The following IGF1R variants were observed in gnomAD, a reference collection of about 807,000 sequenced individuals.
IGF1R encodes the protein insulin-like growth factor 1 receptor.
IGF1R carries 44 observed loss-of-function variants against 144.6 expected under a neutral mutation model. That is an observed-to-expected ratio of 0.30 (90% confidence interval 0.24 to 0.39). IGF1R has a LOEUF of 0.39. IGF1R is among the 10% of genes least tolerant of loss of function. The pLI, the probability that IGF1R is intolerant of heterozygous loss-of-function variation, is 1.00. For synonymous variants in IGF1R, 795 were observed against 722.8 expected, an observed-to-expected ratio of 1.10 and a Z score of -1.60; for missense variants, 1,355 against 1,833.7, an observed-to-expected ratio of 0.74 and a Z score of 4.77.
At chr15:98,808,433 T>C (rs888755888) in intron 2 of IGF1R, among the ~76,000 whole-genome samples, 8 of 152,230 alleles carry the variant, frequency 5.3e-5, no homozygotes, top group Admixed American at 5.2e-4. Context: ...TGAACTGTGA[T>C]ATAAGAATGA....
At chr15:98,924,142 G>C in intron 12 of IGF1R, 130 bp downstream of exon 12, 2 of 960,284 alleles carry the variant, frequency 2.1e-6, no homozygotes, top group Non-Finnish European at 3.3e-6. Flanking sequence ...AAGTTGGTGA[G>C]GATTTGGGTC....
chr15:98,709,850 T>A (rs1248603541), intron 2 of IGF1R, among the ~76,000 whole-genome samples: 1 of 152,126 alleles, frequency 6.6e-6, no homozygotes, highest in Non-Finnish European at 1.5e-5. Flanking sequence ...CGTCATTAAG[T>A]GGAGAGTTGT....
At chr15:98,656,713 A>G (rs1225472263) in intron 1 of IGF1R, among the ~76,000 whole-genome samples, 2 of 152,132 alleles carry the variant, frequency 1.3e-5, no homozygotes, top group East Asian at 3.9e-4. Context: ...CTCACTCCTC[A>G]GTCTTAGCCC....
At chr15:98,847,663 C>G (rs2011385231) in intron 2 of IGF1R, among the ~76,000 whole-genome samples, 1 of 152,202 alleles carries the variant, frequency 6.6e-6, no homozygotes, top group African/African-American at 2.4e-5. Flanking sequence ...TTTTAGTTGG[C>G]TTGTGTGATG....
At chr15:98,819,791 A>G (rs535451460) in intron 2 of IGF1R, among the ~76,000 whole-genome samples, 13 of 152,336 alleles carry the variant, frequency 8.5e-5, no homozygotes, top group African/African-American at 2.9e-4. Context: ...TATGTTGGAT[A>G]AAAACTATAT....
chr15:98,665,280 G>A (rs570141355), intron 1 of IGF1R, among the ~76,000 whole-genome samples: 484 of 152,260 alleles, frequency 3.2e-3, no homozygotes, highest in Non-Finnish European at 4.5e-3. Flanking sequence ...TGTAAAGAGA[G>A]TTTGACAAGC....
At position 98,700,099 on chromosome 15, in the gene IGF1R, A is replaced by G. The variant is rs1017885812; in HGVS notation, c.95-7463A>G. Among the ~76,000 whole-genome samples the G allele has an allele frequency of 3.3e-5, 5 of 152,226 alleles. No homozygotes were observed. The South Asian group carries it at 8.3e-4, about 25-fold the overall frequency. On this transcript the variant is annotated intron_variant, in intron 1 of 20. Transcript: ENST00000650285. ...AACTGAAGTGTCAGTAGTGTTTGTT[A>G]TCATAACATTGTCTTTTTCCCTCTT...
intron 2 of IGF1R, among the ~76,000 whole-genome samples, chr15:98,806,948 G>A (rs907209417): frequency 6.6e-6 from 1 of 152,108 alleles, no homozygotes; most frequent in African/African-American, 2.4e-5. Context: ...ATCACTTGAG[G>A]TCAGGAGTTC....
intron 2 of IGF1R, among the ~76,000 whole-genome samples, chr15:98,783,299 A>G (rs2055901123): frequency 6.6e-6 from 1 of 152,094 alleles, no homozygotes; most frequent in South Asian, 2.1e-4. Flanking sequence ...AGGTACACCT[A>G]CTTCCCTTCT....
intron 2 of IGF1R, among the ~76,000 whole-genome samples, chr15:98,750,000 C>A (rs955370590): frequency 1.3e-5 from 2 of 151,878 alleles, no homozygotes; most frequent in Non-Finnish European, 2.9e-5. Flanking sequence ...AAGGACCATC[C>A]TTTCTTCTTC....
At chr15:98,937,390 T>C (rs1194782750) in intron 17 of IGF1R, among the ~76,000 whole-genome samples, 2 of 152,176 alleles carry the variant, frequency 1.3e-5, no homozygotes, top group Non-Finnish European at 2.9e-5. Context: ...GCTGGCTGCC[T>C]GTGGTCCTCA....
At chr15:98,869,200 C>T (rs2012634191) in intron 2 of IGF1R, among the ~76,000 whole-genome samples, 1 of 152,080 alleles carries the variant, frequency 6.6e-6, no homozygotes, top group African/African-American at 2.4e-5. Flanking sequence ...AAGTACTTAT[C>T]CGCCAGGAAA....
rs114911680 is a variant in IGF1R at position 98,724,559 on chromosome 15, C to T, written c.640+16452C>T. On this transcript the variant is annotated intron_variant, in intron 2 of 20. Transcript: ENST00000650285. Reference sequence around the variant, plus strand: ...TGCCATTTTCTGATTAAGCTGAGACCTCTGTAATAGACACGTTGTCATTTT... The same window carrying T: ...TGCCATTTTCTGATTAAGCTGAGACTTCTGTAATAGACACGTTGTCATTTT... Among the ~76,000 whole-genome samples, 760 of 152,350 alleles carry T rather than the reference C, an allele frequency of 5.0e-3. 7 individuals are homozygous for T. Among genetic ancestry groups the T allele is most frequent in the African/African-American group, 0.017 (724 of 41,570 alleles).
intron 2 of IGF1R, among the ~76,000 whole-genome samples, chr15:98,852,462 C>T (rs529805899): frequency 6.6e-6 from 1 of 152,272 alleles, no homozygotes; most frequent in African/African-American, 2.4e-5. Context: ...GAAATTCCAC[C>T]TTTCCGCGGG....
intron 2 of IGF1R, among the ~76,000 whole-genome samples, chr15:98,816,906 G>T (rs1051746099): frequency 2.0e-5 from 3 of 152,162 alleles, no homozygotes; most frequent in African/African-American, 4.8e-5. Context: ...CGGTTGTATG[G>T]ATCTGAGATC....
At chr15:98,899,700 A>ACT (rs1232512250) in intron 5 of IGF1R, 79 bp downstream of exon 5, 28 of 1,408,404 alleles carry the variant, frequency 2.0e-5, no homozygotes, top group Admixed American at 3.4e-5. Context: ...TGCTGAGGTA[A>ACT]GAGCCCTCCC....
Position 98,707,683 on chromosome 15 carries a change from C to G in IGF1R, c.216C>G (p.Ser72Arg). ...TCTCCAAGGCCGAGGACTACCGCAG[C>G]TACCGCTTCCCCAAGCTCACGGTCA... ...LLISKAEDYRSYRFPKLTVIT... is the reference protein window; with the variant it reads ...LLISKAEDYRRYRFPKLTVIT... The change falls in exon 2 of 21, where the codon AGC (serine) becomes AGG (arginine). Residue 72 changes from serine to arginine, a missense_variant. This residue lies in a region of IGF1R where 75 missense variants were observed against 160.0 expected (regional missense o/e 0.47). Coordinates refer to ENST00000650285, the MANE Select transcript of IGF1R (RefSeq NM_000875.5). This position sits in a 1 kb window ranked among gnomAD's most constrained non-coding sequence, Gnocchi z 6.7. 6.2e-7 allele frequency: 1 copy of G among 1,614,218 alleles called. No individual in the cohort carries two copies. Among genetic ancestry groups the G allele is most frequent in the Non-Finnish European group, 8.5e-7 (1 of 1,180,042 alleles).
rs956215069 is a variant in IGF1R at position 98,868,208 on chromosome 15, G to A, written c.641-23117G>A. Among the ~76,000 whole-genome samples the A allele has an allele frequency of 4.6e-5, 7 of 151,364 alleles. No homozygotes were observed. The South Asian group carries it at 1.0e-3, about 23-fold the overall frequency. On this transcript the variant is annotated intron_variant, in intron 2 of 20. Transcript: ENST00000650285. Reference sequence around the variant, plus strand: ...TCTGTCTCCAAAAAAAAATCAGAGCGTGGTGGTGCACACCTGTAGTCCCAG... The same window carrying A: ...TCTGTCTCCAAAAAAAAATCAGAGCATGGTGGTGCACACCTGTAGTCCCAG...
intron 2 of IGF1R, among the ~76,000 whole-genome samples, chr15:98,766,075 G>T (rs761614916): frequency 2.0e-5 from 3 of 152,310 alleles, no homozygotes; most frequent in East Asian, 1.9e-4. Context: ...CCTGTCATGG[G>T]GAAGGGTGTG....
Sources: allele counts gnomAD v4.1 joint callset (sites outside exome capture counted in the v4.1 genomes callset), GRCh38; gene constraint gnomAD v4.1.1; regional missense constraint gnomAD v4.1.1; non-coding constraint Gnocchi (gnomAD v3.1); transcripts MANE v1.5; gene names NCBI Gene and HGNC (gene_info 2026-07-23, HGNC 2026-07-21).